Variants in CAMSAP2 observed in about 807,000 individuals in gnomAD.
CAMSAP2 encodes the protein calmodulin regulated spectrin associated protein family member 2, also known as calmodulin-regulated spectrin-associated protein 2.
A neutral mutation model predicts 146.1 loss-of-function variants in CAMSAP2; 26 were observed. The observed-to-expected ratio is 0.18, with a 90% CI of 0.13 to 0.25. The LOEUF (loss-of-function observed/expected upper bound fraction) is 0.25, where lower values mean the gene tolerates loss of function less well. Among genes scored for constraint, CAMSAP2 ranks in the 10% least tolerant of loss-of-function variants. The pLI, the probability that CAMSAP2 is intolerant of heterozygous loss-of-function variation, is 1.00. For missense variants in CAMSAP2, 1,381 were observed against 1,759.3 expected, an observed-to-expected ratio of 0.78 and a Z score of 3.85; for synonymous variants, 499 against 596.6, an observed-to-expected ratio of 0.84 and a Z score of 2.38.
In CAMSAP2 at chr1:200,832,485, C is replaced by G; in HGVS notation, c.787+144C>G. On this transcript the variant is annotated intron_variant, in intron 5 of 16. Coordinates refer to ENST00000358823, the MANE Select transcript of CAMSAP2 (RefSeq NM_203459.4). The surrounding 1 kb of genome is among the most constrained non-coding windows in gnomAD (Gnocchi z 4.2). ...AATATTATTTAATAAGTACTGAAGA[C>G]TTTTTTTTAAAAATAAAGAACATTT... The G allele has an allele frequency of 1.2e-6, 1 of 859,114 alleles. No homozygotes were observed. The highest frequency in any genetic ancestry group is 1.7e-6 in the Non-Finnish European group (1 of 604,290). 53.2% of individuals were successfully genotyped at this position (859,114 alleles called of 1,614,324 possible). A position where few individuals can be genotyped will look rare whatever the true frequency, so the allele number is the denominator to read the frequency against.
Position 200,832,738 on chromosome 1 carries a change from G to A in CAMSAP2, c.820G>A (p.Asp274Asn). ...ICLKETMSLA[D>N]SLYNLQLIQE... ...TTTGAAAGAAACTATGTCTTTGGCT[G>A]ATAGCCTGTATAATCTGCAGCTGAT... Residue 274 changes from aspartate to asparagine, a missense_variant, in exon 6 of 17, where the codon GAT (aspartate) becomes AAT (asparagine). Coordinates refer to ENST00000358823, the MANE Select transcript of CAMSAP2 (RefSeq NM_203459.4). The surrounding 1 kb of genome is among the most constrained non-coding windows in gnomAD (Gnocchi z 4.2). 6.2e-7 allele frequency: 1 copy of A among 1,609,016 alleles called. No individual in the cohort carries two copies. The highest frequency in any genetic ancestry group is 8.5e-7 in the Non-Finnish European group (1 of 1,177,854).
At chr1:200,830,066 A>G (rs1667003545) in intron 4 of CAMSAP2, among the ~76,000 whole-genome samples, 1 of 152,272 alleles carries the variant, frequency 6.6e-6, no homozygotes, top group African/African-American at 2.4e-5. Context: ...GCAGAAAGAA[A>G]GGGCATGTTT....
Position 200,849,740 on chromosome 1 carries a change from A to C in CAMSAP2, c.2971A>C (p.Thr991Pro), listed in dbSNP as rs71635519. The change falls in exon 11 of 17, where the codon ACC becomes CCC. Residue 991 changes from threonine (T) to proline (P), a missense_variant. Coordinates refer to ENST00000358823, the MANE Select transcript of CAMSAP2 (RefSeq NM_203459.4). The surrounding 1 kb of genome is among the most constrained non-coding windows in gnomAD (Gnocchi z 6.3). ...NELKITPLNR[T>P]LTPPRSVDSL... ...GTTAAAAATAACACCTTTGAATCGA[A>C]CCTTGACACCTCCTCGGTCTGTGGA... 6.2e-7 allele frequency: 1 copy of C among 1,614,136 alleles called. No homozygotes were observed. Among genetic ancestry groups the C allele is most frequent in the South Asian group, 1.1e-5 (1 of 91,068 alleles).
At chr1:200,826,146 A>T (rs1666900927) in intron 4 of CAMSAP2, among the ~76,000 whole-genome samples, 2 of 152,216 alleles carry the variant, frequency 1.3e-5, no homozygotes, top group Middle Eastern at 3.4e-3. Flanking sequence ...GATTAAGTCT[A>T]ATGGCTGGGC....
intron 2 of CAMSAP2, among the ~76,000 whole-genome samples, chr1:200,784,886 A>T (rs950582220): frequency 6.6e-6 from 1 of 152,114 alleles, no homozygotes; most frequent in African/African-American, 2.4e-5. Flanking sequence ...ATTTTTGAAG[A>T]TGTTCTTTTT....
chr1:200,841,984 T>A lies in CAMSAP2; in HGVS notation c.928-10T>A. The A allele has an allele frequency of 6.3e-7, 1 of 1,595,054 alleles. No individual in the cohort carries two copies. The highest frequency in any genetic ancestry group is 8.6e-7 in the Non-Finnish European group (1 of 1,163,920). On this transcript the variant is annotated splice_polypyrimidine_tract_variant and intron_variant, in intron 6 of 16. Transcript: ENST00000358823. ...CCTAATGTAGGCTTTCTCTTAAATTTCCTATATAGAGTAATTATTTGGTGT... is the reference window on the plus strand; with the variant it reads ...CCTAATGTAGGCTTTCTCTTAAATTACCTATATAGAGTAATTATTTGGTGT...
In CAMSAP2 at chr1:200,848,763, C is replaced by T. The variant is rs1457698430; in HGVS notation, c.1994C>T (p.Pro665Leu). Reference protein sequence around the residue: ...GNTREALSPCPSTVSTKSQPG... With the variant: ...GNTREALSPCLSTVSTKSQPG... Reference sequence around the variant, plus strand: ...ACCAGGGAAGCTTTGAGTCCTTGTCCAAGTACTGTAAGTACCAAGTCTCAG... The same window carrying T: ...ACCAGGGAAGCTTTGAGTCCTTGTCTAAGTACTGTAAGTACCAAGTCTCAG... Residue 665 changes from proline to leucine, a missense_variant, in exon 11 of 17, where the codon CCA becomes CTA. By Grantham distance (98) the Pro-to-Leu change is moderately conservative. This residue lies in a region of CAMSAP2 where 447 missense variants were observed against 462.2 expected (regional missense o/e 0.97). Coordinates refer to ENST00000358823, the MANE Select transcript of CAMSAP2 (RefSeq NM_203459.4). 1 of 1,614,112 alleles carries T rather than the reference C, an allele frequency of 6.2e-7. No individual in the cohort carries two copies. Among genetic ancestry groups the T allele is most frequent in the South Asian group, 1.1e-5 (1 of 91,084 alleles).
intron 3 of CAMSAP2, among the ~76,000 whole-genome samples, chr1:200,814,207 G>T (rs1164684364): frequency 6.6e-6 from 1 of 151,288 alleles, no homozygotes; most frequent in East Asian, 1.9e-4. Flanking sequence ...ACTTTCCCAG[G>T]ATTTGGTCCT....
intron 1 of CAMSAP2, among the ~76,000 whole-genome samples, chr1:200,752,525 G>A (rs779966503): frequency 1.3e-5 from 2 of 152,012 alleles, no homozygotes; most frequent in South Asian, 2.1e-4. Context: ...CTGATTCACA[G>A]CCCGTATTCA....
At chr1:200,804,080 C>G (rs767980393) in intron 2 of CAMSAP2, among the ~76,000 whole-genome samples, 2 of 152,058 alleles carry the variant, frequency 1.3e-5, no homozygotes, top group Admixed American at 6.6e-5. Flanking sequence ...GTGTCCGCCA[C>G]CACGCCTGGC....
intron 3 of CAMSAP2, among the ~76,000 whole-genome samples, 165 bp from the exon 4 acceptor site, chr1:200,815,395 AT>A (rs1163824886): frequency 6.6e-6 from 1 of 151,920 alleles, no homozygotes; most frequent in Non-Finnish European, 1.5e-5. Context: ...CCCATAAACT[AT>A]TTTTTTCTGA....
intron 2 of CAMSAP2, among the ~76,000 whole-genome samples, chr1:200,802,500 T>G (rs1440590336): frequency 6.6e-6 from 1 of 152,238 alleles, no homozygotes; most frequent in Non-Finnish European, 1.5e-5. Context: ...GGAATAACTT[T>G]GAAAAACTAT....
Position 200,850,226 on chromosome 1 carries a change from T to C in CAMSAP2, c.3457T>C (p.Phe1153Leu). ...TGACCAGAAAGTATGCTGTGGATTCTTTTTTAAGGTGTAGTATTAATCTGC... is the reference window on the plus strand; with the variant it reads ...TGACCAGAAAGTATGCTGTGGATTCCTTTTTAAGGTGTAGTATTAATCTGC... ...DDDQKVCCGF[F>L]FKDDQKAEND... Residue 1153 changes from phenylalanine (F) to leucine (L), a missense_variant, in exon 11 of 17, where the codon TTT becomes CTT. Transcript: ENST00000358823. 6.3e-7 allele frequency: 1 copy of C among 1,577,414 alleles called. No individual in the cohort carries two copies. The highest frequency in any genetic ancestry group is 8.6e-7 in the Non-Finnish European group (1 of 1,165,004).
chr1:200,839,129 G>A (rs557050297), intron 6 of CAMSAP2, among the ~76,000 whole-genome samples: 8 of 152,176 alleles, frequency 5.3e-5, no homozygotes, highest in South Asian at 2.1e-4. Context: ...GCTGATGGAC[G>A]TAGGCATGGC....
intron 14 of CAMSAP2, 80 bp downstream of exon 14, chr1:200,854,969 C>T (rs1475292354): frequency 1.9e-6 from 2 of 1,070,136 alleles, no homozygotes; most frequent in African/African-American, 1.6e-5. Context: ...AAAAATTCTT[C>T]AGTGTTTTTA....
Position 200,817,217 on chromosome 1 carries a change from C to T in CAMSAP2, c.645+1573C>T, listed in dbSNP as rs76031388. Among the ~76,000 whole-genome samples, 73 of 79,924 alleles carry T rather than the reference C, an allele frequency of 9.1e-4. 1 individual carries two copies. Among genetic ancestry groups the T allele is most frequent in the South Asian group, 1.6e-3 (5 of 3,088 alleles). The allele number at this position is 79,924 out of a possible 152,430, so 52.4% of individuals were successfully genotyped here. On this transcript the variant is annotated intron_variant, in intron 4 of 16. Coordinates refer to ENST00000358823, the MANE Select transcript of CAMSAP2 (RefSeq NM_203459.4). The stretch of plus-strand genomic sequence containing the variant: ...GTGTGTGTGTATACACACATACACA[C>T]ATATGTGTGTGTATATACACACATA...
rs1320046187 is a variant in CAMSAP2 at position 200,860,077 on chromosome 1, G to A, written c.*2018G>A. 2 of 152,668 alleles carry A rather than the reference G, an allele frequency of 1.3e-5. No individual in the cohort carries two copies. The highest frequency in any genetic ancestry group is 4.8e-5 in the African/African-American group (2 of 41,434). 9.5% of individuals were successfully genotyped at this position (152,668 alleles called of 1,614,324 possible). The stretch of plus-strand genomic sequence containing the variant: ...TTCTTAAATTTGTGTGTGTCCAACA[G>A]TTGAATTGAATGTCTATAAGGTCTA... On this transcript the variant is annotated 3_prime_UTR_variant, in exon 17 of 17. Coordinates refer to ENST00000358823, the MANE Select transcript of CAMSAP2 (RefSeq NM_203459.4).
chr1:200,797,013 T>G (rs530738004), intron 2 of CAMSAP2, among the ~76,000 whole-genome samples: 2 of 152,364 alleles, frequency 1.3e-5, no homozygotes, highest in East Asian at 3.9e-4. Flanking sequence ...ATCATTTTTA[T>G]GGCTGCATAG....
intron 2 of CAMSAP2, among the ~76,000 whole-genome samples, chr1:200,804,832 T>C (rs1186303963): frequency 6.6e-6 from 1 of 152,210 alleles, no homozygotes; most frequent in African/African-American, 2.4e-5. Flanking sequence ...TAATTATTGA[T>C]CCTACTTTTT....
Sources: allele counts gnomAD v4.1 joint callset (sites outside exome capture counted in the v4.1 genomes callset), GRCh38; gene constraint gnomAD v4.1.1; regional missense constraint gnomAD v4.1.1; non-coding constraint Gnocchi (gnomAD v3.1); transcripts MANE v1.5; gene names NCBI Gene and HGNC (gene_info 2026-07-23, HGNC 2026-07-21).